ATXN1: variants seen among roughly 807,000 people sequenced by gnomAD.
ATXN1 encodes ataxin-1.
Under a neutral mutation model 56.4 loss-of-function variants are expected in ATXN1, and 8 were observed. The observed-to-expected ratio is 0.14, with a 90% confidence interval of 0.08 to 0.26. The LOEUF (loss-of-function observed/expected upper bound fraction) is 0.26. Among genes scored for constraint, ATXN1 ranks in the 10% least tolerant of loss-of-function variants. ATXN1 has a pLI of 1.00. For synonymous variants in ATXN1, 514 were observed against 494.6 expected, an observed-to-expected ratio of 1.04 and a Z score of -0.52; for missense variants, 987 against 1,106.5, an observed-to-expected ratio of 0.89 and a Z score of 1.53.
chr6:16,664,027 C>T (rs1435533335), intron 2 of ATXN1, among the ~76,000 whole-genome samples: 3 of 152,144 alleles, frequency 2.0e-5, no homozygotes, highest in African/African-American at 7.2e-5. Context: ...TGATGCATCA[C>T]CGAAGGTATT....
At chr6:16,462,364 G>A (rs1194598384) in intron 6 of ATXN1, among the ~76,000 whole-genome samples, 4 of 152,166 alleles carry the variant, frequency 2.6e-5, no homozygotes, top group Non-Finnish European at 4.4e-5. Context: ...TGGAAGATTT[G>A]TGTCTCCTAT....
chr6:16,412,242 C>T (rs1427322433), intron 6 of ATXN1, among the ~76,000 whole-genome samples: 1 of 152,174 alleles, frequency 6.6e-6, no homozygotes, highest in East Asian at 1.9e-4. Flanking sequence ...AGAACTTTCA[C>T]CCGGAAACTC....
chr6:16,451,956 A>C (rs550333379), intron 6 of ATXN1, among the ~76,000 whole-genome samples: 1 of 152,310 alleles, frequency 6.6e-6, no homozygotes, highest in South Asian at 2.1e-4. Context: ...TCCTCTGCAT[A>C]TAGAAAATAT....
intron 6 of ATXN1, among the ~76,000 whole-genome samples, chr6:16,484,883 A>T (rs1760508990): frequency 6.6e-6 from 1 of 152,096 alleles, no homozygotes; most frequent in African/African-American, 2.4e-5. Context: ...CTGCAAAAAA[A>T]ATAGGTAATA....
intron 4 of ATXN1, among the ~76,000 whole-genome samples, chr6:16,563,810 C>A (rs1471881696): frequency 7.7e-6 from 1 of 129,870 alleles, no homozygotes; most frequent in South Asian, 2.1e-4. Flanking sequence ...CCGCTGCACT[C>A]AGACACAGAG....
intron 5 of ATXN1, among the ~76,000 whole-genome samples, chr6:16,490,920 C>T (rs1030285631): frequency 1.3e-5 from 2 of 152,066 alleles, no homozygotes; most frequent in Non-Finnish European, 2.9e-5. Flanking sequence ...AGTGAGACCA[C>T]GGGAGCATGA....
intron 4 of ATXN1, among the ~76,000 whole-genome samples, chr6:16,551,441 A>G (rs761496584): frequency 4.6e-5 from 7 of 152,206 alleles, no homozygotes; most frequent in Non-Finnish European, 1.0e-4. Context: ...GCTTGAGAAA[A>G]AGTGGGAAGA....
intron 4 of ATXN1, among the ~76,000 whole-genome samples, chr6:16,537,162 C>A (rs781343837): frequency 8.6e-5 from 13 of 151,318 alleles, no homozygotes; most frequent in Non-Finnish European, 1.3e-4. Context: ...AAGGTAAAAT[C>A]TATTTCAGAG....
At chr6:16,509,680 T>C (rs976228198) in intron 5 of ATXN1, among the ~76,000 whole-genome samples, 1 of 152,186 alleles carries the variant, frequency 6.6e-6, no homozygotes, top group Non-Finnish European at 1.5e-5. Flanking sequence ...CACTCCCGTC[T>C]ATCCTACATA....
chr6:16,688,897 G>A (rs985861541), intron 2 of ATXN1, among the ~76,000 whole-genome samples: 7 of 152,074 alleles, frequency 4.6e-5, no homozygotes, highest in Admixed American at 1.3e-4. Context: ...GTGCTTTACT[G>A]AAAAAAAGCA....
chr6:16,712,811 C>T lies in ATXN1; in HGVS notation c.-615+40422G>A, dbSNP rs923504067. On this transcript the variant is annotated intron_variant, in intron 2 of 7. Coordinates refer to ENST00000436367, the MANE Select transcript of ATXN1 (RefSeq NM_001128164.2). ...CCTGTGGCATCTCATCACTGATAAA[C>T]ATCAGGAAGTAACTGCCATTCGCCA... is the stretch of plus-strand genomic sequence containing the variant. Among the ~76,000 whole-genome samples the T allele has an allele frequency of 6.6e-5, 10 of 150,736 alleles. No individual in the cohort carries two copies. In the Admixed American group the frequency reaches 6.6e-4, roughly 10 times the overall value.
At chr6:16,669,042 A>G (rs1308968040) in intron 2 of ATXN1, among the ~76,000 whole-genome samples, 1 of 152,182 alleles carries the variant, frequency 6.6e-6, no homozygotes, top group African/African-American at 2.4e-5. Flanking sequence ...ATGTAAATCA[A>G]GCAATAATAA....
At chr6:16,435,773 G>A (rs1759375856) in intron 6 of ATXN1, among the ~76,000 whole-genome samples, 1 of 152,168 alleles carries the variant, frequency 6.6e-6, no homozygotes, top group Non-Finnish European at 1.5e-5. Flanking sequence ...TGGACTGTTA[G>A]GGCCCAGGTT....
intron 6 of ATXN1, among the ~76,000 whole-genome samples, chr6:16,426,506 T>C (rs1759157593): frequency 6.6e-6 from 1 of 152,030 alleles, no homozygotes; most frequent in African/African-American, 2.4e-5. Flanking sequence ...ATGTGTGAAA[T>C]GGTCTTAGCC....
chr6:16,349,967 C>A (rs1439380411), intron 6 of ATXN1, among the ~76,000 whole-genome samples: 2 of 152,178 alleles, frequency 1.3e-5, no homozygotes, highest in African/African-American at 2.4e-5. Context: ...TAAATCAATG[C>A]TTTTCCTTTT....
At chr6:16,653,160 G>C (rs1270632515) in intron 3 of ATXN1, among the ~76,000 whole-genome samples, 1 of 152,180 alleles carries the variant, frequency 6.6e-6, no homozygotes, top group Non-Finnish European at 1.5e-5. Flanking sequence ...CCATCTACCA[G>C]GGCTGGAGCC....
chr6:16,731,454 C>CTTTTTTTTTTTTTTTTTTTTT lies in ATXN1; in HGVS notation c.-615+21758_-615+21778dup, dbSNP rs71559655. Among the ~76,000 whole-genome samples the CTTTTTTTTTTTTTTTTTTTTT allele has an allele frequency of 1.1e-3, 86 of 81,758 alleles. 6 individuals carry two copies. Among genetic ancestry groups the CTTTTTTTTTTTTTTTTTTTTT allele is most frequent in the South Asian group, 1.7e-3 (3 of 1,804 alleles). The allele number at this position is 81,758 out of a possible 152,430, so 53.6% of individuals were successfully genotyped here. Reference sequence around the variant, plus strand: ...ACGAGAGAGGCTTTTTTTTTCTTTTCTTTTTTTTTTTTTTTTTTTTTTTTT... The same window carrying CTTTTTTTTTTTTTTTTTTTTT: ...ACGAGAGAGGCTTTTTTTTTCTTTTCTTTTTTTTTTTTTTTTTTTTTTTTTTTTTTTTTTTTTTTTTTTTTT... On this transcript the variant is annotated intron_variant, in intron 2 of 7. Coordinates refer to ENST00000436367, the MANE Select transcript of ATXN1 (RefSeq NM_001128164.2).
At chr6:16,320,698 T>A (rs1319093889) in intron 7 of ATXN1, among the ~76,000 whole-genome samples, 1 of 152,226 alleles carries the variant, frequency 6.6e-6, no homozygotes, top group Non-Finnish European at 1.5e-5. Flanking sequence ...TGGGAGCCCT[T>A]GTTTCTGCAT....
intron 5 of ATXN1, among the ~76,000 whole-genome samples, chr6:16,493,344 C>T (rs1760706816): frequency 6.6e-6 from 1 of 152,090 alleles, no homozygotes; most frequent in Non-Finnish European, 1.5e-5. Flanking sequence ...CGCATTTCTA[C>T]TCCACGTGTC....
Sources: allele counts gnomAD v4.1 joint callset (sites outside exome capture counted in the v4.1 genomes callset), GRCh38; gene constraint gnomAD v4.1.1; transcripts MANE v1.5; gene names NCBI Gene and HGNC (gene_info 2026-07-23, HGNC 2026-07-21).